Variants in CNDP2 observed in about 807,000 individuals in gnomAD.
CNDP2 encodes the protein cytosolic non-specific dipeptidase.
In CNDP2, 38 loss-of-function variants were observed where a neutral mutation model predicts 55.0. The observed-to-expected ratio is 0.69, with a 90% CI of 0.53 to 0.90. The LOEUF (loss-of-function observed/expected upper bound fraction) is 0.90, where lower values mean the gene tolerates loss of function less well. CNDP2 is among the 40% of genes least tolerant of loss of function. The pLI, the probability that CNDP2 is intolerant of heterozygous loss-of-function variation, is 0.00. For missense variants in CNDP2, 607 were observed against 621.7 expected, an observed-to-expected ratio of 0.98 and a Z score of 0.25; for synonymous variants, 241 against 260.2, an observed-to-expected ratio of 0.93 and a Z score of 0.71.
At chr18:74,518,740 G>A (rs1599074083) in intron 10 of CNDP2, 100 bp downstream of exon 10, 1 of 1,508,654 alleles carries the variant, frequency 6.6e-7, no homozygotes, top group Non-Finnish European at 9.1e-7. Context: ...CGGGGGCGCT[G>A]CTGTATCGTG....
chr18:74,510,690 C>A (rs1008560828), intron 5 of CNDP2, 123 bp from the exon 6 acceptor site: 2 of 816,076 alleles, frequency 2.5e-6, no homozygotes. Flanking sequence ...GACAGGTGCA[C>A]ACGGAGGCCC....
At chr18:74,499,071 TTGTC>T (rs1978550398) in intron 1 of CNDP2, among the ~76,000 whole-genome samples, 1 of 152,294 alleles carries the variant, frequency 6.6e-6, no homozygotes, top group South Asian at 2.1e-4. Context: ...GCACAGGCGT[TTGTC>T]TGGCATGTAG....
chr18:74,500,559 T>G (rs141643564), intron 2 of CNDP2, among the ~76,000 whole-genome samples: 2 of 152,350 alleles, frequency 1.3e-5, no homozygotes, highest in East Asian at 3.9e-4. Context: ...AGATAAAAAC[T>G]TATTTACGGA....
intron 4 of CNDP2, 121 bp downstream of exon 4, chr18:74,506,132 C>A: frequency 1.0e-6 from 1 of 960,864 alleles, no homozygotes; most frequent in Non-Finnish European, 1.4e-6. Context: ...TATTTTATTA[C>A]TTTTTAAAAA....
At chr18:74,511,422 C>G (rs750438460) in intron 6 of CNDP2, among the ~76,000 whole-genome samples, 1 of 152,136 alleles carries the variant, frequency 6.6e-6, no homozygotes. Flanking sequence ...AAAGAGAAAC[C>G]GAGGCCGGGT....
chr18:74,500,318 T>G (rs183284835), intron 2 of CNDP2, among the ~76,000 whole-genome samples: 1 of 152,384 alleles, frequency 6.6e-6, no homozygotes, highest in East Asian at 1.9e-4. Flanking sequence ...GCATTAAGTA[T>G]GTTCTAAGTA....
intron 8 of CNDP2, among the ~76,000 whole-genome samples, chr18:74,514,266 A>G (rs1462432571): frequency 6.6e-6 from 1 of 152,116 alleles, no homozygotes; most frequent in African/African-American, 2.4e-5. Context: ...TATGGATGTA[A>G]GTTCTGCAGG....
chr18:74,509,938 G>T (rs1334166945), intron 5 of CNDP2, among the ~76,000 whole-genome samples: 2 of 152,218 alleles, frequency 1.3e-5, no homozygotes, highest in Non-Finnish European at 1.5e-5. Context: ...TACTTTACAT[G>T]GTGGGGAGGT....
At chr18:74,518,814 G>A in intron 10 of CNDP2, 135 bp from the exon 11 acceptor site, 2 of 1,447,798 alleles carry the variant, frequency 1.4e-6, no homozygotes. Flanking sequence ...ACCCCTGGCG[G>A]ACCTTGAACG....
At chr18:74,502,087 T>C (rs1978736307) in intron 3 of CNDP2, among the ~76,000 whole-genome samples, 1 of 152,172 alleles carries the variant, frequency 6.6e-6, no homozygotes, top group Non-Finnish European at 1.5e-5. Flanking sequence ...GGTTTTGCCA[T>C]GTTGGCCAGG....
At position 74,501,419 on chromosome 18, in the gene CNDP2, G is replaced by C; in HGVS notation, c.151G>C (p.Asp51His). ...IRRMMEVAAA[D>H]VKQLGGSVEL... is the part of the protein sequence containing the mutation. ...GAGGATGATGGAAGTTGCTGCTGCA[G>C]ATGTTAAGCAGTTGGGGGGCTCTGT... is the stretch of plus-strand genomic sequence containing the variant. Residue 51 changes from aspartate to histidine, a missense_variant, in exon 3 of 12, where the codon GAT becomes CAT. Coordinates refer to ENST00000324262, the MANE Select transcript of CNDP2 (RefSeq NM_018235.3). 1 of 1,614,172 alleles carries C rather than the reference G, an allele frequency of 6.2e-7. No individual in the cohort carries two copies. The highest frequency in any genetic ancestry group is 8.5e-7 in the Non-Finnish European group (1 of 1,180,014).
At chr18:74,498,859 G>A (rs1160885977) in intron 1 of CNDP2, among the ~76,000 whole-genome samples, 3 of 152,172 alleles carry the variant, frequency 2.0e-5, no homozygotes, top group African/African-American at 7.2e-5. Flanking sequence ...ACTTGAGAAG[G>A]CAGTGGTTGG....
intron 4 of CNDP2, chr18:74,506,989 G>C (rs965732356): frequency 6.6e-6 from 1 of 152,254 alleles, no homozygotes; most frequent in African/African-American, 2.4e-5. Flanking sequence ...CATTGCATCT[G>C]TGTTCAAACC....
chr18:74,506,075 G>C (rs1979008242), intron 4 of CNDP2, 64 bp downstream of exon 4: 1 of 1,445,352 alleles, frequency 6.9e-7, no homozygotes, highest in Non-Finnish European at 9.1e-7. Context: ...GTCATTGCTA[G>C]TCCGTTTTTC....
At chr18:74,510,626 A>G (rs932923741) in intron 5 of CNDP2, among the ~76,000 whole-genome samples, 187 bp from the exon 6 acceptor site, 1 of 152,196 alleles carries the variant, frequency 6.6e-6, no homozygotes, top group Non-Finnish European at 1.5e-5. Flanking sequence ...AGACTGGACC[A>G]GTCCAAGTGG....
intron 3 of CNDP2, among the ~76,000 whole-genome samples, chr18:74,505,622 C>T (rs1978968778): frequency 6.6e-6 from 1 of 151,452 alleles, no homozygotes; most frequent in East Asian, 1.9e-4. Context: ...AAAAATTTAC[C>T]AAACTGCCTG....
At chr18:74,499,831 TGGGA>T in intron 1 of CNDP2, 47 bp from the exon 2 acceptor site, 1 of 632,096 alleles carries the variant, frequency 1.6e-6, no homozygotes, top group Non-Finnish European at 2.7e-6. Context: ...CAGTGCTGGC[TGGGA>T]GGGTGGGGCA....
At chr18:74,514,151 T>C (rs1330372744) in intron 8 of CNDP2, among the ~76,000 whole-genome samples, 3 of 152,250 alleles carry the variant, frequency 2.0e-5, no homozygotes, top group South Asian at 2.1e-4. Flanking sequence ...GCGGTACATA[T>C]GTAAGTTCTG....
chr18:74,513,366 T>A (rs376404864), intron 7 of CNDP2, among the ~76,000 whole-genome samples, 193 bp from the exon 8 acceptor site: 6 of 152,226 alleles, frequency 3.9e-5, no homozygotes, highest in East Asian at 3.9e-4. Context: ...ACAGGCGATA[T>A]GTGCATGGGA....
Sources: allele counts gnomAD v4.1 joint callset (sites outside exome capture counted in the v4.1 genomes callset), GRCh38; gene constraint gnomAD v4.1.1; transcripts MANE v1.5; gene names NCBI Gene and HGNC (gene_info 2026-07-23, HGNC 2026-07-21).